ASIC2: variants seen among roughly 807,000 people sequenced by gnomAD.
ASIC2 encodes acid sensing ion channel subunit 2, also known as acid-sensing ion channel 2.
A neutral mutation model predicts 57.3 loss-of-function variants in ASIC2; 25 were observed. That is an observed-to-expected ratio of 0.44 (90% CI 0.32 to 0.61). The LOEUF is 0.61. ASIC2 is among the 20% of genes least tolerant of loss of function. The pLI is 0.06. For synonymous variants in ASIC2, 319 were observed against 307.5 expected, an observed-to-expected ratio of 1.04 and a Z score of -0.39; for missense variants, 641 against 738.1, an observed-to-expected ratio of 0.87 and a Z score of 1.52.
At chr17:33,579,353 G>A (rs1286875511) in intron 1 of ASIC2, among the ~76,000 whole-genome samples, 1 of 151,024 alleles carries the variant, frequency 6.6e-6, no homozygotes, top group Non-Finnish European at 1.5e-5. Flanking sequence ...GGAACACGAT[G>A]TGGCTTGGTA....
At chr17:33,900,529 A>G (rs1915209627) in intron 1 of ASIC2, among the ~76,000 whole-genome samples, 1 of 152,152 alleles carries the variant, frequency 6.6e-6, no homozygotes, top group African/African-American at 2.4e-5. Flanking sequence ...TCTAATTACT[A>G]GTTGTATTAT....
At chr17:33,280,510 G>C (rs754673380) in intron 1 of ASIC2, among the ~76,000 whole-genome samples, 5 of 152,214 alleles carry the variant, frequency 3.3e-5, no homozygotes, top group Non-Finnish European at 7.3e-5. Context: ...CTCTGGGCTA[G>C]AACCTCCACA....
chr17:34,126,529 G>C (rs755111338), intron 1 of ASIC2, among the ~76,000 whole-genome samples: 4 of 152,194 alleles, frequency 2.6e-5, no homozygotes, highest in Non-Finnish European at 5.9e-5. Context: ...ACATCAGGGA[G>C]AACACTGAGA....
intron 1 of ASIC2, among the ~76,000 whole-genome samples, chr17:33,706,123 T>C (rs1407533419): frequency 1.3e-5 from 2 of 151,718 alleles, no homozygotes; most frequent in Non-Finnish European, 2.9e-5. Context: ...CACTCTCAAC[T>C]TCCAAGATAA....
intron 1 of ASIC2, among the ~76,000 whole-genome samples, chr17:33,329,112 G>T (rs1907199956): frequency 6.6e-6 from 1 of 152,160 alleles, no homozygotes; most frequent in Admixed American, 6.5e-5. Context: ...AGGTGATAAG[G>T]TCAGAGACAG....
chr17:33,210,209 A>T (rs1182543512), intron 1 of ASIC2, among the ~76,000 whole-genome samples: 1 of 152,180 alleles, frequency 6.6e-6, no homozygotes, highest in Non-Finnish European at 1.5e-5. Context: ...GCATAATGAA[A>T]CAACTGTACT....
chr17:34,077,477 G>A (rs1909713040), intron 1 of ASIC2, among the ~76,000 whole-genome samples: 1 of 152,188 alleles, frequency 6.6e-6, no homozygotes, highest in Non-Finnish European at 1.5e-5. Context: ...GCTAAGCTTT[G>A]GGGCTGATTG....
At chr17:33,423,029 T>C (rs1261427979) in intron 1 of ASIC2, among the ~76,000 whole-genome samples, 1 of 152,058 alleles carries the variant, frequency 6.6e-6, no homozygotes, top group Non-Finnish European at 1.5e-5. Context: ...CTGAGATGCT[T>C]TTAGCTGTAG....
At chr17:33,122,209 C>T (rs536354751) in intron 1 of ASIC2, among the ~76,000 whole-genome samples, 164 of 152,314 alleles carry the variant, frequency 1.1e-3, no homozygotes, top group African/African-American at 3.9e-3. Flanking sequence ...GGCATGCTTC[C>T]TGCAGCCCTT....
At chr17:33,586,426 G>A (rs1567661307) in intron 1 of ASIC2, among the ~76,000 whole-genome samples, 1 of 152,074 alleles carries the variant, frequency 6.6e-6, no homozygotes, top group African/African-American at 2.4e-5. Context: ...ACAACCCACT[G>A]ATTGATCATT....
chr17:33,252,103 T>C (rs534234957), intron 1 of ASIC2, among the ~76,000 whole-genome samples: 2 of 152,316 alleles, frequency 1.3e-5, no homozygotes, highest in South Asian at 4.1e-4. Flanking sequence ...TGCTATTCCC[T>C]CCTGAATCTT....
At chr17:33,161,263 T>A (rs1051320830) in intron 1 of ASIC2, among the ~76,000 whole-genome samples, 4 of 152,222 alleles carry the variant, frequency 2.6e-5, no homozygotes, top group Non-Finnish European at 5.9e-5. Flanking sequence ...TGCCAGGCAG[T>A]GTGCTAAGGA....
chr17:33,297,062 CA>C (rs138469479), upstream of ASIC2, among the ~76,000 whole-genome samples: 5,751 of 152,276 alleles, frequency 0.038, 351 homozygotes, highest in African/African-American at 0.13. Context: ...GGGACCCACA[CA>C]AAAATAACTT....
chr17:33,761,267 TTG>T (rs1238815666), intron 1 of ASIC2, among the ~76,000 whole-genome samples: 2 of 152,198 alleles, frequency 1.3e-5, no homozygotes, highest in Admixed American at 6.5e-5. Flanking sequence ...AGTAATTTTT[TTG>T]TGTTGTTAAA....
intron 1 of ASIC2, among the ~76,000 whole-genome samples, chr17:33,275,631 T>A (rs1904673647): frequency 6.6e-6 from 1 of 152,208 alleles, no homozygotes; most frequent in African/African-American, 2.4e-5. Context: ...TTGTTACCTT[T>A]CCCTAGAGTT....
chr17:33,562,995 T>G (rs1399951270), intron 1 of ASIC2, among the ~76,000 whole-genome samples: 1 of 152,152 alleles, frequency 6.6e-6, no homozygotes, highest in East Asian at 1.9e-4. Flanking sequence ...ACAGGATTCA[T>G]GGGCTTAGGC....
At chr17:34,090,838 T>C (rs974331307) in intron 1 of ASIC2, among the ~76,000 whole-genome samples, 1 of 152,198 alleles carries the variant, frequency 6.6e-6, no homozygotes, top group African/African-American at 2.4e-5. Flanking sequence ...CCTCTTCCGC[T>C]TTTATTCCTT....
intron 1 of ASIC2, among the ~76,000 whole-genome samples, chr17:33,421,170 G>A (rs779834556): frequency 6.6e-6 from 1 of 152,148 alleles, no homozygotes; most frequent in South Asian, 2.1e-4. Context: ...TCTGTGAGCT[G>A]GGGAGCTGGG....
intron 1 of ASIC2, among the ~76,000 whole-genome samples, chr17:33,173,473 G>A (rs1221625699): frequency 6.6e-6 from 1 of 152,192 alleles, no homozygotes; most frequent in African/African-American, 2.4e-5. Flanking sequence ...GTGAAGGCAG[G>A]AGGAGCTGAG....
Sources: allele counts gnomAD v4.1 joint callset (sites outside exome capture counted in the v4.1 genomes callset), GRCh38; gene constraint gnomAD v4.1.1; transcripts MANE v1.5; gene names NCBI Gene and HGNC (gene_info 2026-07-23, HGNC 2026-07-21).